CSMD1: variants seen among roughly 807,000 people sequenced by gnomAD.
CSMD1 encodes the protein CUB and sushi domain-containing protein 1.
A neutral mutation model predicts 417.5 loss-of-function variants in CSMD1; 213 were observed. The ratio of observed to expected loss-of-function variants is 0.51; its 90% CI spans 0.46 to 0.57. The LOEUF (loss-of-function observed/expected upper bound fraction) is 0.57, where lower values mean the gene tolerates loss of function less well. CSMD1 is among the 20% of genes least tolerant of loss of function. The pLI is 0.00. For synonymous variants in CSMD1, 2,862 were observed against 1,736.8 expected (o/e 1.65, Z -16.11); for missense variants, 6,923 against 4,529.7 (o/e 1.53, Z -15.17).
chr8:3,629,608 T>A (rs1325869449), intron 7 of CSMD1, among the ~76,000 whole-genome samples: 2 of 152,172 alleles, frequency 1.3e-5, no homozygotes, highest in Non-Finnish European at 2.9e-5. Flanking sequence ...ATACCATGAG[T>A]CAATCTCTAT....
intron 5 of CSMD1, among the ~76,000 whole-genome samples, chr8:3,894,767 G>A (rs1164354778): frequency 1.3e-5 from 2 of 152,148 alleles, no homozygotes; most frequent in African/African-American, 4.8e-5. Context: ...GCTTCCACAT[G>A]TCAATTAGAA....
chr8:4,053,756 G>C, intron 3 of CSMD1, among the ~76,000 whole-genome samples: 1 of 152,096 alleles, frequency 6.6e-6, no homozygotes, highest in Non-Finnish European at 1.5e-5. Context: ...CTCTGGATAT[G>C]ATGGCATTTG....
intron 5 of CSMD1, among the ~76,000 whole-genome samples, chr8:3,849,748 G>A (rs1208147488): frequency 1.3e-5 from 2 of 152,150 alleles, no homozygotes; most frequent in Admixed American, 6.5e-5. Flanking sequence ...TGAAGCTCTT[G>A]TACAAATATC....
intron 1 of CSMD1, among the ~76,000 whole-genome samples, chr8:4,825,569 A>G (rs1799777208): frequency 7.0e-6 from 1 of 143,450 alleles, no homozygotes; most frequent in African/African-American, 2.6e-5. Flanking sequence ...TGTCTTAGAT[A>G]CTTCATACAA....
At chr8:3,738,481 A>G (rs532663334) in intron 6 of CSMD1, among the ~76,000 whole-genome samples, 1 of 152,296 alleles carries the variant, frequency 6.6e-6, no homozygotes, top group South Asian at 2.1e-4. Flanking sequence ...TGAATACATA[A>G]TTTAAGTTAG....
At chr8:4,237,186 A>G (rs1251666668) in intron 3 of CSMD1, among the ~76,000 whole-genome samples, 2 of 152,176 alleles carry the variant, frequency 1.3e-5, no homozygotes, top group Non-Finnish European at 2.9e-5. Flanking sequence ...TCGCCTTTCC[A>G]TATTTGCACC....
chr8:3,895,813 G>A (rs914664861), intron 5 of CSMD1, among the ~76,000 whole-genome samples: 2 of 152,172 alleles, frequency 1.3e-5, no homozygotes, highest in East Asian at 3.9e-4. Context: ...TGTACCTGCA[G>A]TGTGAGCCAC....
chr8:3,374,104 C>G (rs1585071125), intron 18 of CSMD1, among the ~76,000 whole-genome samples: 1 of 152,024 alleles, frequency 6.6e-6, no homozygotes, highest in African/African-American at 2.4e-5. Flanking sequence ...ACACATGTAT[C>G]ACCACAGCCA....
intron 2 of CSMD1, among the ~76,000 whole-genome samples, chr8:4,481,415 T>C (rs1290861718): frequency 6.6e-6 from 1 of 152,250 alleles, no homozygotes; most frequent in Non-Finnish European, 1.5e-5. Flanking sequence ...TGGATCACAG[T>C]TGAATTGGCA....
intron 2 of CSMD1, among the ~76,000 whole-genome samples, chr8:4,431,176 G>C (rs548902671): frequency 4.5e-4 from 69 of 152,182 alleles, no homozygotes; most frequent in African/African-American, 1.6e-3. Context: ...GAGGGGAGTA[G>C]GTAGTGACCC....
intron 3 of CSMD1, among the ~76,000 whole-genome samples, chr8:4,191,479 A>G (rs1162370444): frequency 6.6e-6 from 1 of 152,152 alleles, no homozygotes; most frequent in East Asian, 1.9e-4. Context: ...AACTAAAAGC[A>G]TTGTTCTTAC....
At chr8:3,970,595 A>T (rs558083151) in intron 5 of CSMD1, among the ~76,000 whole-genome samples, 3 of 152,346 alleles carry the variant, frequency 2.0e-5, no homozygotes, top group East Asian at 3.9e-4. Context: ...AACAGAATGA[A>T]TAGCAAAGGA....
At chr8:4,898,616 C>T (rs1804659731) in intron 1 of CSMD1, among the ~76,000 whole-genome samples, 1 of 152,118 alleles carries the variant, frequency 6.6e-6, no homozygotes, top group Non-Finnish European at 1.5e-5. Flanking sequence ...ACGACAGTGT[C>T]TGGAATGAAA....
At chr8:4,414,291 G>C (rs1035420765) in intron 3 of CSMD1, among the ~76,000 whole-genome samples, 1 of 152,158 alleles carries the variant, frequency 6.6e-6, no homozygotes, top group Non-Finnish European at 1.5e-5. Context: ...CCTGGTAAGA[G>C]GAAGCCCCGC....
At chr8:3,325,896 G>T (rs529493610) in intron 23 of CSMD1, among the ~76,000 whole-genome samples, 6 of 152,240 alleles carry the variant, frequency 3.9e-5, no homozygotes, top group African/African-American at 1.4e-4. Flanking sequence ...TCCACTATCA[G>T]ATCATCACAA....
At chr8:2,967,530 A>G (rs1029179906) in intron 57 of CSMD1, among the ~76,000 whole-genome samples, 3 of 151,036 alleles carry the variant, frequency 2.0e-5, no homozygotes, top group African/African-American at 7.3e-5. Context: ...TTCAATCTAC[A>G]CTTTTTTTTT....
chr8:3,976,343 G>T, intron 5 of CSMD1, among the ~76,000 whole-genome samples: 1 of 152,054 alleles, frequency 6.6e-6, no homozygotes, highest in Non-Finnish European at 1.5e-5. Context: ...TACTAAAACT[G>T]AAAGGTAACT....
Position 3,238,980 on chromosome 8 carries a change from G to C in CSMD1, c.4154-8749C>G, listed in dbSNP as rs146553682. Reference sequence around the variant, plus strand: ...AGATAGTAGGGATGACAAGTTTTTTGGGGCACAGTCAAAGTTGGTGTGGTG... The same window carrying C: ...AGATAGTAGGGATGACAAGTTTTTTCGGGCACAGTCAAAGTTGGTGTGGTG... On this transcript the variant is annotated intron_variant, in intron 26 of 69. Transcript: ENST00000635120. Among the ~76,000 whole-genome samples, 1,479 of 152,170 alleles carry C rather than the reference G, an allele frequency of 9.7e-3. 10 individuals carry two copies. The highest frequency in any genetic ancestry group is 0.017 in the Middle Eastern group (5 of 292).
chr8:3,858,573 C>T (rs561658829), intron 5 of CSMD1, among the ~76,000 whole-genome samples: 26 of 152,236 alleles, frequency 1.7e-4, no homozygotes, highest in African/African-American at 4.3e-4. Flanking sequence ...ACTACTTTCA[C>T]GAGTAGTCTT....
Sources: gnomAD v4.1 joint callset for allele counts (sites outside exome capture counted in the v4.1 genomes callset) on GRCh38, gnomAD v4.1.1 for gene constraint, MANE v1.5 for transcripts, NCBI Gene and HGNC (gene_info 2026-07-23, HGNC 2026-07-21) for gene names.